The following PKHD1L1 variants were observed in gnomAD, a reference collection of about 807,000 sequenced individuals.
PKHD1L1 encodes fibrocystin-L.
In PKHD1L1, 434 loss-of-function variants were observed where a neutral mutation model predicts 462.9. The observed-to-expected ratio is 0.94, with a 90% CI of 0.87 to 1.02. The LOEUF (loss-of-function observed/expected upper bound fraction) is 1.02. PKHD1L1 is among the 50% of genes least tolerant of loss of function. PKHD1L1 has a pLI of 0.00. For synonymous variants in PKHD1L1, 1,781 were observed against 1,750.0 expected, an observed-to-expected ratio of 1.02 and a Z score of -0.44; for missense variants, 5,202 against 5,096.1, an observed-to-expected ratio of 1.02 and a Z score of -0.63.
chr8:109,386,216 T>A (rs1812435113), intron 6 of PKHD1L1, among the ~76,000 whole-genome samples: 1 of 152,218 alleles, frequency 6.6e-6, no homozygotes, highest in African/African-American at 2.4e-5. Flanking sequence ...AAAATAATTG[T>A]CCACATTTTG....
At chr8:109,459,502 A>G (rs1816994994) in intron 46 of PKHD1L1, 93 bp from the exon 47 acceptor site, 16 of 946,368 alleles carry the variant, frequency 1.7e-5, no homozygotes, top group Non-Finnish European at 2.4e-5. Flanking sequence ...CCTATTTTGC[A>G]GAGTATTTAA....
intron 50 of PKHD1L1, among the ~76,000 whole-genome samples, chr8:109,469,528 A>G (rs1001266407): frequency 1.3e-5 from 2 of 152,154 alleles, no homozygotes; most frequent in Non-Finnish European, 2.9e-5. Context: ...CTAGAAGGCA[A>G]AGGAGCAGGG....
chr8:109,391,095 A>G (rs764907984), intron 9 of PKHD1L1, among the ~76,000 whole-genome samples: 1 of 152,204 alleles, frequency 6.6e-6, no homozygotes, highest in Non-Finnish European at 1.5e-5. Context: ...CCCATATTAT[A>G]GATAATAATA....
chr8:109,473,373 A>G (rs570829205), intron 50 of PKHD1L1, among the ~76,000 whole-genome samples: 3 of 152,012 alleles, frequency 2.0e-5, no homozygotes, highest in African/African-American at 7.2e-5. Flanking sequence ...AAAATTAGCC[A>G]GGTGTGGTGG....
chr8:109,497,388 T>A, intron 65 of PKHD1L1, 116 bp downstream of exon 65: 2 of 1,033,358 alleles, frequency 1.9e-6, no homozygotes, highest in Non-Finnish European at 2.7e-6. Flanking sequence ...CGCCCACACC[T>A]CCCTGCCTTT....
chr8:109,470,007 C>T, intron 50 of PKHD1L1: 2 of 341,196 alleles, frequency 5.9e-6, no homozygotes, highest in African/African-American at 2.1e-5. Context: ...TTATGGCATA[C>T]CTGTGAGTAA....
chr8:109,384,507 T>C (rs903457092), intron 5 of PKHD1L1, among the ~76,000 whole-genome samples: 4 of 152,046 alleles, frequency 2.6e-5, no homozygotes, highest in African/African-American at 9.7e-5. Flanking sequence ...TGAACTTACA[T>C]GACAGAGCAA....
chr8:109,454,623 CAAAAG>C lies in PKHD1L1; in HGVS notation c.6745-98_6745-94del, dbSNP rs1289962024. 1.2e-5 allele frequency: 18 copies of C among 1,486,148 alleles called. 1 individual carries two copies. Among genetic ancestry groups the C allele is most frequent in the Non-Finnish European group, 1.6e-5 (18 of 1,102,322 alleles). 92.1% of individuals were successfully genotyped at this position (1,486,148 alleles called of 1,614,324 possible). A position where few individuals can be genotyped will look rare whatever the true frequency, so the allele number is the denominator to read the frequency against. ...TATGAACAACTGAGCAATTAATTCTCAAAAGAGAAGAGAGGATAGAAAAGAACTAC... is the reference window on the plus strand; with the variant it reads ...TATGAACAACTGAGCAATTAATTCTCAGAAGAGAGGATAGAAAAGAACTAC... On this transcript the variant is annotated intron_variant, in intron 44 of 77. Transcript: ENST00000378402.
Position 109,406,452 on chromosome 8 carries a change from A to G in PKHD1L1, c.1787A>G (p.Tyr596Cys). 1 of 1,602,596 alleles carries G rather than the reference A, an allele frequency of 6.2e-7. No homozygotes were observed. Residue 596 changes from tyrosine (Y) to cysteine (C), a missense_variant, in exon 17 of 78, where the codon TAC (tyrosine) becomes TGC (cysteine). Tyr to Cys is a radical substitution (Grantham distance 194). Transcript: ENST00000378402. ...IRTQNPQSYV[Y>C]MVTFISTRGD... ...ACACAAAATCCCCAGAGCTATGTCT[A>G]CATGGTAACATTCATATCAACTAGA... is the stretch of plus-strand genomic sequence containing the variant.
intron 14 of PKHD1L1, among the ~76,000 whole-genome samples, chr8:109,403,139 G>A (rs897256438): frequency 1.3e-5 from 2 of 152,110 alleles, no homozygotes; most frequent in South Asian, 4.1e-4. Flanking sequence ...CTGCTGCCTG[G>A]TATCTGTGCT....
chr8:109,470,037 T>A, intron 50 of PKHD1L1: 1 of 391,262 alleles, frequency 2.6e-6, no homozygotes, highest in South Asian at 8.6e-5. Flanking sequence ...TAGTACTTTA[T>A]TAAAACATGA....
intron 48 of PKHD1L1, among the ~76,000 whole-genome samples, chr8:109,462,393 G>A (rs766717584): frequency 1.4e-4 from 21 of 152,020 alleles, no homozygotes; most frequent in Non-Finnish European, 2.5e-4. Context: ...CATCCCATAG[G>A]AATCATGTGA....
At chr8:109,394,552 A>C in intron 10 of PKHD1L1, 67 bp downstream of exon 10, 1 of 1,064,706 alleles carries the variant, frequency 9.4e-7, no homozygotes, top group Middle Eastern at 2.1e-4. Context: ...GATTTAATCA[A>C]ACCAAAGACA....
chr8:109,464,385 T>C lies in PKHD1L1; in HGVS notation c.7553T>C (p.Ile2518Thr). Residue 2518 changes from isoleucine (I) to threonine (T), a missense_variant, in exon 49 of 78, where the codon ATA (isoleucine) becomes ACA (threonine). Transcript: ENST00000378402. ...CATCTTCTGGTTGAGAGGAATATTATATATGATATTAAGGGAGGAGCATTT... is the reference window on the plus strand; with the variant it reads ...CATCTTCTGGTTGAGAGGAATATTACATATGATATTAAGGGAGGAGCATTT... ...THHLLVERNI[I>T]YDIKGGAFFI... The C allele has an allele frequency of 1.9e-6, 3 of 1,613,366 alleles. No homozygotes were observed. Among genetic ancestry groups the C allele is most frequent in the African/African-American group, 1.3e-5 (1 of 74,982 alleles).
At chr8:109,469,420 T>A (rs1255001504) in intron 50 of PKHD1L1, among the ~76,000 whole-genome samples, 1 of 152,068 alleles carries the variant, frequency 6.6e-6, no homozygotes, top group Admixed American at 6.6e-5. Context: ...CTACATTCCC[T>A]AAGGGTGAGA....
chr8:109,529,291 T>C (rs987291515), intron 77 of PKHD1L1, among the ~76,000 whole-genome samples: 3 of 152,168 alleles, frequency 2.0e-5, no homozygotes, highest in Non-Finnish European at 2.9e-5. Context: ...GCAGAGACCT[T>C]GTTCTGGCCT....
At chr8:109,415,891 GTGTGTGTGTGTGTGTA>G (rs1349867261) in intron 21 of PKHD1L1, among the ~76,000 whole-genome samples, 2 of 150,378 alleles carry the variant, frequency 1.3e-5, no homozygotes, top group Admixed American at 6.6e-5. Flanking sequence ...GTGTGTGTGT[GTGTGTGTGTGTGTGTA>G]GGAAATCATA....
At chr8:109,429,560 C>T in intron 26 of PKHD1L1, 98 bp downstream of exon 26, 1 of 1,162,976 alleles carries the variant, frequency 8.6e-7, no homozygotes, top group Non-Finnish European at 1.2e-6. Context: ...GGTTTGACTT[C>T]TGTATTTCAT....
chr8:109,381,508 A>C lies in PKHD1L1; in HGVS notation c.302A>C (p.Tyr101Ser), dbSNP rs1305332555. 6.4e-7 allele frequency: 1 copy of C among 1,567,872 alleles called. No homozygotes were observed. The highest frequency in any genetic ancestry group is 1.2e-5 in the South Asian group (1 of 85,956). The change falls in exon 3 of 78, where the codon TAT becomes TCT. Residue 101 changes from tyrosine (Y) to serine (S), a missense_variant. Coordinates refer to ENST00000378402, the MANE Select transcript of PKHD1L1 (RefSeq NM_177531.6). ...DASHSTQITC[Y>S]TRAMPEDSYT... is the part of the protein sequence containing the mutation. ...AGTCATTCAACTCAAATTACATGCT[A>C]TACTAGGTCTGTTTTAAAGTATCTT...
Sources: allele counts gnomAD v4.1 joint callset (sites outside exome capture counted in the v4.1 genomes callset), GRCh38; gene constraint gnomAD v4.1.1; transcripts MANE v1.5; gene names NCBI Gene and HGNC (gene_info 2026-07-23, HGNC 2026-07-21).